Variants in EFCAB3 observed in about 807,000 individuals in gnomAD.
EFCAB3 encodes the protein EF-hand calcium binding domain 3.
EFCAB3 carries 36 observed loss-of-function variants against 42.2 expected under a neutral mutation model. The ratio of observed to expected loss-of-function variants is 0.85; its 90% CI spans 0.65 to 1.13. The LOEUF is 1.13. EFCAB3 is among the 50% of genes most tolerant of loss of function. EFCAB3 has a pLI of 0.00. For missense variants in EFCAB3, 418 were observed against 505.1 expected, an observed-to-expected ratio of 0.83 and a Z score of 1.65; for synonymous variants, 170 against 172.8, an observed-to-expected ratio of 0.98 and a Z score of 0.13.
chr17:62,377,422 C>G (rs974405597), upstream of EFCAB3, among the ~76,000 whole-genome samples: 3 of 152,080 alleles, frequency 2.0e-5, no homozygotes, highest in Admixed American at 1.3e-4. Flanking sequence ...AACAAAACTA[C>G]TCCCACATTT....
At chr17:62,405,187 A>G (rs1470013071) in intron 6 of EFCAB3, among the ~76,000 whole-genome samples, 2 of 152,208 alleles carry the variant, frequency 1.3e-5, no homozygotes. Flanking sequence ...ACCTGGTGGG[A>G]ATTAAATTAC....
At chr17:62,390,198 T>C (rs1050298368) in intron 3 of EFCAB3, among the ~76,000 whole-genome samples, 1 of 152,200 alleles carries the variant, frequency 6.6e-6, no homozygotes, top group Non-Finnish European at 1.5e-5. Flanking sequence ...CAAAAGTTTA[T>C]ACAACAATAG....
upstream of EFCAB3, among the ~76,000 whole-genome samples, chr17:62,379,740 C>T (rs1313709934): frequency 6.6e-6 from 1 of 152,132 alleles, no homozygotes; most frequent in Non-Finnish European, 1.5e-5. Context: ...AGACTAAAGA[C>T]ACTCCTAACT....
chr17:62,389,458 T>G (rs944539545), intron 3 of EFCAB3, among the ~76,000 whole-genome samples: 1 of 152,202 alleles, frequency 6.6e-6, no homozygotes, highest in East Asian at 1.9e-4. Context: ...ATATGGAAAC[T>G]AGAAAATGTG....
intron 8 of EFCAB3, among the ~76,000 whole-genome samples, chr17:62,410,863 G>A (rs2070489344): frequency 6.6e-6 from 1 of 152,072 alleles, no homozygotes; most frequent in African/African-American, 2.4e-5. Context: ...TATCTGTAAG[G>A]GTTGCCCTCT....
intron 6 of EFCAB3, among the ~76,000 whole-genome samples, chr17:62,396,028 T>C (rs2070345522): frequency 6.6e-6 from 1 of 152,182 alleles, no homozygotes. Context: ...CAAAGACACT[T>C]AGTAAAGCCT....
At chr17:62,376,565 T>C (rs117703363), upstream of EFCAB3, among the ~76,000 whole-genome samples, 378 of 152,326 alleles carry the variant, frequency 2.5e-3, 2 homozygotes, top group Non-Finnish European at 3.7e-3. Flanking sequence ...ACTACTGTGA[T>C]TTAAGTCTTC....
At chr17:62,415,329 T>C (rs1468525623) in intron 9 of EFCAB3, among the ~76,000 whole-genome samples, 1 of 152,172 alleles carries the variant, frequency 6.6e-6, no homozygotes, top group Non-Finnish European at 1.5e-5. Context: ...AACTCTATTT[T>C]CTGCTTAAGG....
chr17:62,406,465 C>T lies in EFCAB3; in HGVS notation c.489-15C>T. 7.0e-7 allele frequency: 1 copy of T among 1,432,504 alleles called. No homozygotes were observed. The highest frequency in any genetic ancestry group is 9.4e-7 in the Non-Finnish European group (1 of 1,058,216). 88.7% of individuals were successfully genotyped at this position (1,432,504 alleles called of 1,614,324 possible). On this transcript the variant is annotated splice_polypyrimidine_tract_variant and intron_variant, in intron 6 of 9. Transcript: ENST00000305286. Reference sequence around the variant, plus strand: ...TCTCTTTGTATCCATTTCTGAATTACTTTTTTTTTTAAAGCTATTTCCAAA... The same window carrying T: ...TCTCTTTGTATCCATTTCTGAATTATTTTTTTTTTTAAAGCTATTTCCAAA...
intron 6 of EFCAB3, chr17:62,398,090 A>G (rs915210608): frequency 9.3e-6 from 3 of 323,546 alleles, no homozygotes; most frequent in Non-Finnish European, 1.8e-5. Flanking sequence ...AAAGTGCCCA[A>G]TGTCTCTCTT....
intron 3 of EFCAB3, 136 bp from the exon 4 acceptor site, chr17:62,391,686 A>G: frequency 1.1e-6 from 1 of 918,492 alleles, no homozygotes; most frequent in Non-Finnish European, 1.6e-6. Flanking sequence ...AGAAATGTCT[A>G]TTAAGCACTC....
chr17:62,377,141 T>C (rs2070157265), upstream of EFCAB3, among the ~76,000 whole-genome samples: 1 of 152,212 alleles, frequency 6.6e-6, no homozygotes, highest in East Asian at 1.9e-4. Flanking sequence ...GTGTTTCATA[T>C]TAGAATTAAT....
intron 6 of EFCAB3, 148 bp from the exon 7 acceptor site, chr17:62,406,332 A>T (rs1455465671): frequency 1.6e-6 from 1 of 613,032 alleles, no homozygotes; most frequent in Non-Finnish European, 2.8e-6. Flanking sequence ...TAAATATCAC[A>T]GAAATGGGCA....
At chr17:62,379,149 A>G (rs1377982523), upstream of EFCAB3, among the ~76,000 whole-genome samples, 1 of 152,140 alleles carries the variant, frequency 6.6e-6, no homozygotes, top group Admixed American at 6.6e-5. Context: ...AAGGCTGGGC[A>G]TGGTAGCTCA....
intron 3 of EFCAB3, among the ~76,000 whole-genome samples, chr17:62,387,727 A>AGT (rs2070265898): frequency 6.6e-6 from 1 of 152,230 alleles, no homozygotes; most frequent in Admixed American, 6.5e-5. Flanking sequence ...GAACACAAAC[A>AGT]CAGCTACAGT....
At chr17:62,402,339 G>A (rs2070411175) in intron 6 of EFCAB3, among the ~76,000 whole-genome samples, 1 of 152,130 alleles carries the variant, frequency 6.6e-6, no homozygotes, top group Admixed American at 6.6e-5. Context: ...GAATAGGATT[G>A]GTGAGAGAGG....
At chr17:62,387,476 C>A in intron 3 of EFCAB3, 60 bp downstream of exon 3, 1 of 1,398,012 alleles carries the variant, frequency 7.2e-7, no homozygotes, top group Non-Finnish European at 1.0e-6. Flanking sequence ...CTGATCCTTT[C>A]TTCTCTAAGA....
chr17:62,394,927 C>T lies in EFCAB3; in HGVS notation c.368-141C>T, dbSNP rs1191587409. On this transcript the variant is annotated intron_variant, in intron 5 of 9. Transcript: ENST00000305286. ...CTCAGTACCCAAAATGGCCTTTCTA[C>T]CAAATAGAACAGACTTTTAATGTTT... 7.1e-6 allele frequency: 8 copies of T among 1,127,484 alleles called. No homozygotes were observed. In the African/African-American group the frequency reaches 1.3e-4, roughly 18 times the overall value. 69.8% of individuals were successfully genotyped at this position (1,127,484 alleles called of 1,614,324 possible).
At chr17:62,370,488 T>G (rs9900307) in intron 1 of EFCAB3, among the ~76,000 whole-genome samples, 91,900 of 151,740 alleles carry the variant, frequency 0.61, 29,708 homozygotes, top group Admixed American at 0.75. Flanking sequence ...AACCTCGTCT[T>G]TACTAAAACT....
Sources: gnomAD v4.1 joint callset for allele counts (sites outside exome capture counted in the v4.1 genomes callset) on GRCh38, gnomAD v4.1.1 for gene constraint, MANE v1.5 for transcripts, NCBI Gene and HGNC (gene_info 2026-07-23, HGNC 2026-07-21) for gene names.